Variants in POTEE observed in about 807,000 individuals in gnomAD.
POTEE encodes POTE ankyrin domain family member E, also known as ANKRD26-like family C member 1A.
POTEE carries 21 observed loss-of-function variants against 74.2 expected under a neutral mutation model. That is an observed-to-expected ratio of 0.28 (90% CI 0.20 to 0.41). POTEE has a LOEUF of 0.41. POTEE is among the 10% of genes least tolerant of loss of function. The pLI is 1.00. For missense variants in POTEE, 525 were observed against 1,158.6 expected (o/e 0.45, Z 7.94); for synonymous variants, 211 against 432.8 (o/e 0.49, Z 6.36).
intron 13 of POTEE, among the ~76,000 whole-genome samples, chr2:131,248,673 CAG>C (rs1249453186): frequency 6.7e-6 from 1 of 149,076 alleles, no homozygotes; most frequent in Non-Finnish European, 1.5e-5. Flanking sequence ...TCGTCCGTGA[CAG>C]AAAGTCAGCA....
At position 131,264,809 on chromosome 2, in the gene POTEE, T is replaced by G. The variant is rs1701860454; in HGVS notation, c.*126T>G. The G allele has an allele frequency of 1.7e-6, 1 of 603,058 alleles. No individual in the cohort carries two copies. The highest frequency in any genetic ancestry group is 3.0e-6 in the Non-Finnish European group (1 of 335,452). The allele number at this position is 603,058 out of a possible 1,614,324, so 37.4% of individuals were successfully genotyped here. ...TTTTTTGTTTTGTTTTTTATTGGCT[T>G]GACTCAGGATTTAAAAACCGGAATG... On this transcript the variant is annotated 3_prime_UTR_variant, in exon 18 of 18. Transcript: ENST00000683005.
intron 1 of POTEE, among the ~76,000 whole-genome samples, chr2:131,210,443 G>A (rs1333343575): frequency 2.6e-5 from 4 of 151,270 alleles, no homozygotes; most frequent in Non-Finnish European, 4.4e-5. Context: ...GTTGCTATGG[G>A]GGCTATACTG....
At chr2:131,235,296 T>C (rs1701092543) in intron 9 of POTEE, among the ~76,000 whole-genome samples, 2 of 152,022 alleles carry the variant, frequency 1.3e-5, no homozygotes, top group East Asian at 1.9e-4. Flanking sequence ...CTGAGTAAAA[T>C]GTGAGTAAGA....
chr2:131,235,654 T>C (rs1392031784), intron 9 of POTEE, among the ~76,000 whole-genome samples: 1 of 151,760 alleles, frequency 6.6e-6, no homozygotes, highest in African/African-American at 2.4e-5. Context: ...TAGCTGGGCA[T>C]GATGGTACAT....
intron 16 of POTEE, among the ~76,000 whole-genome samples, chr2:131,255,873 G>A (rs372095441): frequency 4.8e-4 from 1 of 2,078 alleles, no homozygotes; most frequent in Non-Finnish European, 1.6e-3. Context: ...CTGGCCCCTC[G>A]TGACTTTTTC....
At chr2:131,210,305 G>A (rs1349913253) in intron 1 of POTEE, among the ~76,000 whole-genome samples, 1 of 119,034 alleles carries the variant, frequency 8.4e-6, no homozygotes, top group Non-Finnish European at 1.8e-5. Context: ...GGCACTATCG[G>A]GTGCTACACT....
chr2:131,262,661 G>A (rs1165863575), intron 17 of POTEE, among the ~76,000 whole-genome samples: 1 of 151,526 alleles, frequency 6.6e-6, no homozygotes, highest in Admixed American at 6.6e-5. Context: ...CTGCATCTGT[G>A]TATATTTTTT....
intron 2 of POTEE, among the ~76,000 whole-genome samples, chr2:131,214,576 C>T (rs1303009518): frequency 2.0e-5 from 3 of 151,840 alleles, no homozygotes; most frequent in Non-Finnish European, 2.9e-5. Context: ...TATAATGGCT[C>T]GGCTTAAAAG....
intron 9 of POTEE, among the ~76,000 whole-genome samples, chr2:131,231,438 T>A (rs1053318407): frequency 7.2e-5 from 11 of 152,106 alleles, no homozygotes; most frequent in African/African-American, 2.4e-4. Flanking sequence ...GGTATGAGTC[T>A]GTGGCCTGGG....
At chr2:131,223,549 G>A in intron 4 of POTEE, 47 bp from the exon 5 acceptor site, 3 of 1,610,734 alleles carry the variant, frequency 1.9e-6, no homozygotes, top group East Asian at 2.2e-5. Flanking sequence ...TGCTATGGCT[G>A]TAGCTAGTGC....
At chr2:131,234,051 A>G (rs1158566273) in intron 9 of POTEE, among the ~76,000 whole-genome samples, 3 of 151,104 alleles carry the variant, frequency 2.0e-5, no homozygotes, top group South Asian at 4.1e-4. Context: ...ACTCTCACTA[A>G]TAAGACTTGT....
intron 8 of POTEE, 55 bp from the exon 9 acceptor site, chr2:131,230,781 T>C: frequency 6.4e-7 from 1 of 1,566,996 alleles, no homozygotes. Context: ...TTTGGTAAGT[T>C]TTTTTTATAT....
chr2:131,210,097 C>T (rs1295416742), intron 1 of POTEE, among the ~76,000 whole-genome samples: 1 of 145,972 alleles, frequency 6.9e-6, no homozygotes, highest in Non-Finnish European at 1.5e-5. Context: ...TGCTGCACTG[C>T]CCGGGGCAGG....
chr2:131,231,566 G>T (rs934764172), intron 9 of POTEE, among the ~76,000 whole-genome samples: 1 of 151,972 alleles, frequency 6.6e-6, no homozygotes, highest in African/African-American at 2.4e-5. Context: ...GTCCCAATAA[G>T]GTCTCACTAT....
chr2:131,226,707 T>C (rs1700789740), intron 6 of POTEE, 116 bp from the exon 7 acceptor site: 1 of 1,520,210 alleles, frequency 6.6e-7, no homozygotes, highest in Non-Finnish European at 8.9e-7. Flanking sequence ...AGCGAGTACA[T>C]TTTATTTACT....
At chr2:131,219,252 G>C (rs1189216695) in intron 4 of POTEE, among the ~76,000 whole-genome samples, 5 of 144,512 alleles carry the variant, frequency 3.5e-5, no homozygotes, top group South Asian at 4.3e-4. Flanking sequence ...TTATAGAAAA[G>C]TGTATATTGA....
chr2:131,265,030 T>C lies in POTEE; in HGVS notation c.*347T>C. Reference sequence around the variant, plus strand: ...GAGAATGGCCCAGTCCTCTCCCTAGTTCACACAGGGGAGGTGATAGCATTG... The same window carrying C: ...GAGAATGGCCCAGTCCTCTCCCTAGCTCACACAGGGGAGGTGATAGCATTG... On this transcript the variant is annotated 3_prime_UTR_variant, in exon 18 of 18. Coordinates refer to ENST00000683005, the MANE Select transcript of POTEE (RefSeq NM_001083538.3). The C allele has an allele frequency of 2.2e-6, 1 of 450,134 alleles. No homozygotes were observed. Among genetic ancestry groups the C allele is most frequent in the Non-Finnish European group, 4.1e-6 (1 of 246,090 alleles). The allele number at this position is 450,134 out of a possible 1,614,324, so 27.9% of individuals were successfully genotyped here.
intron 10 of POTEE, among the ~76,000 whole-genome samples, chr2:131,237,927 T>C (rs571083642): frequency 6.6e-6 from 1 of 152,404 alleles, no homozygotes; most frequent in East Asian, 1.9e-4. Flanking sequence ...TCACGTTTTT[T>C]TTCTTCCTTG....
chr2:131,220,930 C>T (rs1700596606), intron 4 of POTEE, among the ~76,000 whole-genome samples: 1 of 136,646 alleles, frequency 7.3e-6, no homozygotes, highest in African/African-American at 2.7e-5. Flanking sequence ...CACTACATTC[C>T]AGCCTGGGTG....
Sources: allele counts gnomAD v4.1 joint callset (sites outside exome capture counted in the v4.1 genomes callset), GRCh38; gene constraint gnomAD v4.1.1; transcripts MANE v1.5; gene names NCBI Gene and HGNC (gene_info 2026-07-23, HGNC 2026-07-21).